Variants in MLLT3 observed in about 807,000 individuals in gnomAD.
MLLT3 encodes protein AF-9.
A neutral mutation model predicts 53.2 loss-of-function variants in MLLT3; 4 were observed. The ratio of observed to expected loss-of-function variants is 0.08; its 90% CI spans 0.04 to 0.17. The LOEUF (loss-of-function observed/expected upper bound fraction) is 0.17, where lower values mean the gene tolerates loss of function less well. Ranked by LOEUF, MLLT3 falls within the 10% of genes least tolerant of loss-of-function variation. The pLI is 1.00. For synonymous variants in MLLT3, 283 were observed against 230.6 expected, an observed-to-expected ratio of 1.23 and a Z score of -2.06; for missense variants, 569 against 684.0, an observed-to-expected ratio of 0.83 and a Z score of 1.87.
intron 5 of MLLT3, among the ~76,000 whole-genome samples, chr9:20,371,698 G>A (rs1821606450): frequency 6.6e-6 from 1 of 152,190 alleles, no homozygotes; most frequent in Non-Finnish European, 1.5e-5. Flanking sequence ...TGAAAGCTCT[G>A]CAGGAGATGC....
chr9:20,471,397 T>C (rs1235209765), intron 2 of MLLT3, among the ~76,000 whole-genome samples: 1 of 151,972 alleles, frequency 6.6e-6, no homozygotes, highest in African/African-American at 2.4e-5. Context: ...AGGACTGAGG[T>C]CTAGGTCTTC....
At chr9:20,542,400 G>C (rs1047951848) in intron 2 of MLLT3, among the ~76,000 whole-genome samples, 1 of 151,944 alleles carries the variant, frequency 6.6e-6, no homozygotes, top group African/African-American at 2.4e-5. Flanking sequence ...ACAGGCGCCC[G>C]CCACCGCGCC....
intron 2 of MLLT3, among the ~76,000 whole-genome samples, chr9:20,507,303 T>C (rs1288577949): frequency 1.3e-5 from 2 of 152,178 alleles, no homozygotes; most frequent in Non-Finnish European, 2.9e-5. Flanking sequence ...GGCAATCTAC[T>C]TCTTACTTAC....
intron 2 of MLLT3, among the ~76,000 whole-genome samples, chr9:20,576,752 GAC>G (rs1218370635): frequency 6.6e-6 from 1 of 152,164 alleles, no homozygotes; most frequent in African/African-American, 2.4e-5. Context: ...ACCAAAAGGT[GAC>G]ACAGAGACAT....
chr9:20,363,022 T>G (rs1821364300), intron 7 of MLLT3: 1 of 153,164 alleles, frequency 6.5e-6, no homozygotes, highest in African/African-American at 2.4e-5. Context: ...AAAAGGAATT[T>G]ATTTTCTGGA....
chr9:20,610,819 A>G (rs1326665636), intron 2 of MLLT3, among the ~76,000 whole-genome samples: 2 of 152,144 alleles, frequency 1.3e-5, no homozygotes, highest in African/African-American at 2.4e-5. Flanking sequence ...CTTCCAGCCC[A>G]CTAGTTACTA....
At chr9:20,507,751 A>AAC (rs1554632671) in intron 2 of MLLT3, among the ~76,000 whole-genome samples, 1 of 151,596 alleles carries the variant, frequency 6.6e-6, no homozygotes, top group Non-Finnish European at 1.5e-5. Flanking sequence ...GGAAAAAAAA[A>AAC]AAAAAAAACA....
intron 2 of MLLT3, among the ~76,000 whole-genome samples, chr9:20,594,094 C>G (rs1200221629): frequency 6.6e-6 from 1 of 151,966 alleles, no homozygotes; most frequent in South Asian, 2.1e-4. Context: ...ACACCCACCA[C>G]CACACCTGGC....
At chr9:20,365,949 G>C (rs1821439095) in intron 5 of MLLT3, among the ~76,000 whole-genome samples, 1 of 152,200 alleles carries the variant, frequency 6.6e-6, no homozygotes, top group African/African-American at 2.4e-5. Context: ...ATAAAAACTT[G>C]AGGAGATAAA....
intron 2 of MLLT3, among the ~76,000 whole-genome samples, chr9:20,551,216 T>C (rs1818918452): frequency 6.6e-6 from 1 of 152,250 alleles, no homozygotes; most frequent in African/African-American, 2.4e-5. Flanking sequence ...TGAGTTTATT[T>C]TTAGGCTCCC....
chr9:20,494,868 A>G (rs1461348228), intron 2 of MLLT3, among the ~76,000 whole-genome samples: 2 of 152,212 alleles, frequency 1.3e-5, no homozygotes, highest in African/African-American at 2.4e-5. Context: ...TTTTACAGGT[A>G]CCAAATGGAT....
At chr9:20,454,319 TTTAC>T (rs1234011704) in intron 3 of MLLT3, among the ~76,000 whole-genome samples, 2 of 152,168 alleles carry the variant, frequency 1.3e-5, no homozygotes, top group African/African-American at 2.4e-5. Context: ...CTCTTCATCC[TTTAC>T]TTGTTTTCTT....
intron 5 of MLLT3, among the ~76,000 whole-genome samples, chr9:20,377,537 G>A (rs1255019073): frequency 2.6e-5 from 4 of 152,220 alleles, no homozygotes; most frequent in Admixed American, 2.6e-4. Flanking sequence ...TATCTGAAGA[G>A]ATTATTTTGA....
intron 2 of MLLT3, among the ~76,000 whole-genome samples, chr9:20,526,706 G>A (rs1035552223): frequency 2.0e-5 from 3 of 152,114 alleles, no homozygotes; most frequent in Non-Finnish European, 2.9e-5. Context: ...AGATCCTTGG[G>A]TATGTTTATG....
chr9:20,551,357 A>C (rs1479281664), intron 2 of MLLT3, among the ~76,000 whole-genome samples: 1 of 152,208 alleles, frequency 6.6e-6, no homozygotes, highest in Non-Finnish European at 1.5e-5. Context: ...ATCACTTTAA[A>C]GCACTCTCCC....
intron 2 of MLLT3, among the ~76,000 whole-genome samples, chr9:20,571,011 T>C (rs538866600): frequency 1.2e-3 from 190 of 152,318 alleles, no homozygotes; most frequent in African/African-American, 4.5e-3. Flanking sequence ...TGAGTAAAAC[T>C]CTAGGCTTTA....
chr9:20,599,866 C>T (rs1020998076), intron 2 of MLLT3, among the ~76,000 whole-genome samples: 12 of 152,120 alleles, frequency 7.9e-5, no homozygotes, highest in African/African-American at 2.4e-4. Context: ...TTGGATGCCA[C>T]GTCTGTAAAA....
In MLLT3 at chr9:20,345,291, C is replaced by T. The variant is rs991046278; in HGVS notation, c.*1152G>A. 4.7e-6 allele frequency: 1 copy of T among 214,122 alleles called. No homozygotes were observed. The highest frequency in any genetic ancestry group is 9.4e-6 in the Non-Finnish European group (1 of 106,086). The allele number at this position is 214,122 out of a possible 1,614,324, so 13.3% of individuals were successfully genotyped here. A position where few individuals can be genotyped will look rare whatever the true frequency, so the allele number is the denominator to read the frequency against. On this transcript the variant is annotated 3_prime_UTR_variant, in exon 11 of 11. Coordinates refer to ENST00000380338, the MANE Select transcript of MLLT3 (RefSeq NM_004529.4). Reference sequence around the variant, plus strand: ...ATGGCAGAATAACCAAGAATTTTTCCCCAAAGAAAGATTTTAATTTTTTCA... The same window carrying T: ...ATGGCAGAATAACCAAGAATTTTTCTCCAAAGAAAGATTTTAATTTTTTCA...
chr9:20,617,555 A>T (rs796357464), intron 2 of MLLT3, among the ~76,000 whole-genome samples: 1 of 152,228 alleles, frequency 6.6e-6, no homozygotes, highest in South Asian at 2.1e-4. Flanking sequence ...CTAAAAACAA[A>T]AACATTAATA....
Sources: gnomAD v4.1 joint callset for allele counts (sites outside exome capture counted in the v4.1 genomes callset) on GRCh38, gnomAD v4.1.1 for gene constraint, MANE v1.5 for transcripts, NCBI Gene and HGNC (gene_info 2026-07-23, HGNC 2026-07-21) for gene names.